FSTL4: variants seen among roughly 807,000 people sequenced by gnomAD.
FSTL4 encodes the protein follistatin like 4, also known as follistatin-related protein 4.
Under a neutral mutation model 78.2 loss-of-function variants are expected in FSTL4, and 28 were observed. That is an observed-to-expected ratio of 0.36 (90% CI 0.27 to 0.49). FSTL4 has a LOEUF of 0.49. Among genes scored for constraint, FSTL4 ranks in the 20% least tolerant of loss-of-function variants. The probability of loss-of-function intolerance (pLI) is 0.98; values close to 1 mark genes in which losing one functional copy is unlikely to be tolerated. For missense variants in FSTL4, 922 were observed against 1,084.9 expected, an observed-to-expected ratio of 0.85 and a Z score of 2.11; for synonymous variants, 422 against 440.5, an observed-to-expected ratio of 0.96 and a Z score of 0.53.
At chr5:133,744,450 T>C in the FSTL4 span, among the ~76,000 whole-genome samples, 1 of 152,180 alleles carries the variant, frequency 6.6e-6, no homozygotes, top group Non-Finnish European at 1.5e-5. Flanking sequence ...CTGTGCCGCA[T>C]GGTGCTGCAG....
At chr5:133,615,109 C>T (rs407536), upstream of FSTL4, among the ~76,000 whole-genome samples, 9,306 of 152,190 alleles carry the variant, frequency 0.061, 311 homozygotes, top group Non-Finnish European at 0.073. Flanking sequence ...CAGGAGGAAG[C>T]AAGGCACTTT....
the FSTL4 span, among the ~76,000 whole-genome samples, chr5:133,728,537 C>T: frequency 6.6e-6 from 1 of 152,198 alleles, no homozygotes; most frequent in African/African-American, 2.4e-5. Flanking sequence ...ACCTCCAAAT[C>T]AAGGGATAGG....
At chr5:133,393,855 T>G (rs1755924171) in intron 4 of FSTL4, among the ~76,000 whole-genome samples, 1 of 152,268 alleles carries the variant, frequency 6.6e-6, no homozygotes, top group Non-Finnish European at 1.5e-5. Flanking sequence ...AGCTGGCTTC[T>G]TAATGACCTG....
chr5:133,477,021 T>C (rs6871009), intron 3 of FSTL4, among the ~76,000 whole-genome samples: 2,163 of 152,340 alleles, frequency 0.014, 47 homozygotes, highest in African/African-American at 0.048. Context: ...TAAATCATTT[T>C]CTTATTGAAG....
chr5:133,562,557 T>A (rs192724139), intron 3 of FSTL4, among the ~76,000 whole-genome samples: 6 of 152,284 alleles, frequency 3.9e-5, no homozygotes, highest in African/African-American at 1.4e-4. Context: ...CCCCCTTTTT[T>A]CCTTTTCCCT....
chr5:133,239,352 G>C (rs111604274), intron 7 of FSTL4, among the ~76,000 whole-genome samples: 1 of 152,152 alleles, frequency 6.6e-6, no homozygotes, highest in African/African-American at 2.4e-5. Context: ...GCGGGCGCAC[G>C]GCACGGGACT....
intron 3 of FSTL4, among the ~76,000 whole-genome samples, chr5:133,482,804 T>A (rs2112859965): frequency 6.6e-6 from 1 of 152,242 alleles, no homozygotes; most frequent in South Asian, 2.1e-4. Flanking sequence ...AGGAGGGAAC[T>A]TCAGAGCAAG....
At chr5:133,321,939 T>C (rs1754067704) in intron 4 of FSTL4, among the ~76,000 whole-genome samples, 1 of 152,220 alleles carries the variant, frequency 6.6e-6, no homozygotes, top group Non-Finnish European at 1.5e-5. Context: ...TCTGCCCACA[T>C]GTTTGGAAAG....
upstream of FSTL4, among the ~76,000 whole-genome samples, chr5:133,612,965 C>G (rs1761136431): frequency 6.6e-6 from 1 of 152,190 alleles, no homozygotes; most frequent in South Asian, 2.1e-4. The surrounding 1 kb of genome is among the most constrained non-coding windows in gnomAD (Gnocchi z 6.2). Flanking sequence ...AATCCCCCGC[C>G]GTTGAGACCC....
intron 6 of FSTL4, among the ~76,000 whole-genome samples, chr5:133,310,187 A>G (rs1426655425): frequency 1.4e-5 from 2 of 147,690 alleles, no homozygotes; most frequent in African/African-American, 5.1e-5. Flanking sequence ...CGGCTTCCTT[A>G]ATGGCTGTGA....
intron 6 of FSTL4, among the ~76,000 whole-genome samples, chr5:133,276,239 A>G (rs1752879987): frequency 6.6e-6 from 1 of 152,192 alleles, no homozygotes; most frequent in Non-Finnish European, 1.5e-5. Context: ...CCCTGTCTTC[A>G]GCTGGCTGCC....
At chr5:133,664,376 G>T in the FSTL4 span, among the ~76,000 whole-genome samples, 1 of 151,988 alleles carries the variant, frequency 6.6e-6, no homozygotes, top group Middle Eastern at 3.2e-3. Flanking sequence ...GGTTTATAGT[G>T]TCCCAAAACG....
At chr5:133,463,118 G>T (rs535668239) in intron 3 of FSTL4, among the ~76,000 whole-genome samples, 2 of 152,190 alleles carry the variant, frequency 1.3e-5, no homozygotes, top group Non-Finnish European at 2.9e-5. Flanking sequence ...CCAAGGCCAC[G>T]CCAGCATCCT....
At chr5:133,371,835 C>G (rs29551) in intron 4 of FSTL4, among the ~76,000 whole-genome samples, 114,950 of 152,118 alleles carry the variant, frequency 0.76, 43,769 homozygotes, top group East Asian at 0.84. Context: ...ATCGTCAGAC[C>G]TCGCTCCCGG....
intron 3 of FSTL4, among the ~76,000 whole-genome samples, chr5:133,442,462 T>C (rs994385755): frequency 2.0e-5 from 3 of 152,312 alleles, no homozygotes; most frequent in Non-Finnish European, 2.9e-5. Flanking sequence ...GCAGCTTTTC[T>C]TGAGATGTGA....
intron 3 of FSTL4, among the ~76,000 whole-genome samples, chr5:133,425,070 T>C (rs776378055): frequency 1.3e-5 from 2 of 152,222 alleles, no homozygotes; most frequent in African/African-American, 2.4e-5. Context: ...TGAGTATTGA[T>C]AGAAAAGATC....
the FSTL4 span, among the ~76,000 whole-genome samples, chr5:133,755,956 T>A: frequency 2.0e-5 from 3 of 152,182 alleles, no homozygotes; most frequent in Non-Finnish European, 2.9e-5. Context: ...ATGTCCCAGG[T>A]TGCAGCAACA....
chr5:133,207,522 C>T (rs6596113), intron 14 of FSTL4, among the ~76,000 whole-genome samples: 90,051 of 152,208 alleles, frequency 0.59, 28,016 homozygotes, highest in African/African-American at 0.77. Flanking sequence ...ATATTTGATA[C>T]GAGATATTCA....
At chr5:133,699,707 T>C in the FSTL4 span, among the ~76,000 whole-genome samples, 7 of 151,880 alleles carry the variant, frequency 4.6e-5, no homozygotes, top group Non-Finnish European at 1.0e-4. Flanking sequence ...CGGTGAAACC[T>C]CGTCTCTACT....
Sources: gnomAD v4.1 joint callset for allele counts (sites outside exome capture counted in the v4.1 genomes callset) on GRCh38, gnomAD v4.1.1 for gene constraint, Gnocchi (gnomAD v3.1) non-coding constraint, MANE v1.5 for transcripts, NCBI Gene and HGNC (gene_info 2026-07-23, HGNC 2026-07-21) for gene names.